The following TEX36 variants were observed in gnomAD, a reference collection of about 807,000 sequenced individuals.
TEX36 encodes the protein testis expressed 36, also known as testis-expressed protein 36.
TEX36 carries 12 observed loss-of-function variants against 13.6 expected under a neutral mutation model. The ratio of observed to expected loss-of-function variants is 0.88; its 90% CI spans 0.56 to 1.43. The LOEUF (loss-of-function observed/expected upper bound fraction) is 1.43, where lower values mean the gene tolerates loss of function less well. TEX36 is among the 40% of genes most tolerant of loss of function. TEX36 has a pLI of 0.00. For missense variants in TEX36, 224 were observed against 228.3 expected (o/e 0.98, Z 0.12); for synonymous variants, 93 against 83.0 (o/e 1.12, Z -0.65).
At chr10:125,617,584 T>C (rs2133556831), downstream of TEX36, among the ~76,000 whole-genome samples, 1 of 152,348 alleles carries the variant, frequency 6.6e-6, no homozygotes, top group South Asian at 2.1e-4. Context: ...GGGTTGAAAA[T>C]TCTTTTCTTT....
chr10:125,657,770 A>G (rs1846971490), intron 3 of TEX36, among the ~76,000 whole-genome samples: 1 of 152,198 alleles, frequency 6.6e-6, no homozygotes, highest in African/African-American at 2.4e-5. Context: ...GCTTGGGGGA[A>G]TACAACCTGG....
At position 125,584,594 on chromosome 10, in the gene TEX36, G is replaced by A. The variant is rs190682641; in HGVS notation, c.265-7720C>T. Among the ~76,000 whole-genome samples, 7 of 152,258 alleles carry A rather than the reference G, an allele frequency of 4.6e-5. No homozygotes were observed. In the East Asian group the frequency reaches 1.4e-3, roughly 29 times the overall value. On this transcript the variant is annotated intron_variant, in intron 3 of 3. Coordinates refer to the TEX36 transcript ENST00000532135. ...ATAGAAGCTTTAGGGAGCTAATTAA[G>A]GTTAAATGACATCATAAGTGTGGGG...
intron 3 of TEX36, among the ~76,000 whole-genome samples, chr10:125,643,944 A>G (rs1215185394): frequency 6.6e-6 from 1 of 152,132 alleles, no homozygotes; most frequent in East Asian, 1.9e-4. Context: ...ACAAAAGAAC[A>G]ACAACAAAAA....
At chr10:125,638,108 C>A (rs549345576) in intron 3 of TEX36, among the ~76,000 whole-genome samples, 2 of 152,064 alleles carry the variant, frequency 1.3e-5, no homozygotes, top group Non-Finnish European at 2.9e-5. Context: ...TCCTTCCCCA[C>A]TCTCAAGTTT....
intron 3 of TEX36, among the ~76,000 whole-genome samples, chr10:125,588,597 GTTT>G (rs534715822): frequency 0.12 from 3,391 of 27,196 alleles, 50 homozygotes; most frequent in Middle Eastern, 0.15. Flanking sequence ...CTCTTGGTTT[GTTT>G]GTTTGTTTGT....
Position 125,657,645 on chromosome 10 carries a change from A to G in TEX36, c.265-1449T>C, listed in dbSNP as rs77683478. 9.8e-3 allele frequency among the ~76,000 whole-genome samples: 1,485 copies of G among 152,240 alleles called. 34 individuals carry two copies. Among genetic ancestry groups the G allele is most frequent in the African/African-American group, 0.034 (1,424 of 41,528 alleles). Reference sequence around the variant, plus strand: ...CAAATTCACAAAATGGAAAGGAGGGAGGGAAACAGAAAGAAAAGAATCTGC... The same window carrying G: ...CAAATTCACAAAATGGAAAGGAGGGGGGGAAACAGAAAGAAAAGAATCTGC... On this transcript the variant is annotated intron_variant, in intron 3 of 3. Coordinates refer to ENST00000368821, the MANE Select transcript of TEX36 (RefSeq NM_001128202.3).
At chr10:125,618,895 A>C (rs1205887920), downstream of TEX36, among the ~76,000 whole-genome samples, 3 of 144,020 alleles carry the variant, frequency 2.1e-5, no homozygotes, top group Non-Finnish European at 3.0e-5. Context: ...TCACTAGGTC[A>C]GGAGATCGAG....
At chr10:125,627,138 G>A (rs1320711366) in intron 3 of TEX36, among the ~76,000 whole-genome samples, 20 of 152,184 alleles carry the variant, frequency 1.3e-4, no homozygotes, top group Admixed American at 1.3e-3. Flanking sequence ...AACCTTGAGA[G>A]AAAAAGATTT....
intron 3 of TEX36, among the ~76,000 whole-genome samples, chr10:125,596,181 T>G (rs1435756929): frequency 6.9e-6 from 1 of 144,480 alleles, no homozygotes; most frequent in East Asian, 2.2e-4. Context: ...GTGAATATGT[T>G]GCCTTATACA....
At chr10:125,613,832 T>A (rs890763193) in intron 3 of TEX36, among the ~76,000 whole-genome samples, 16 of 152,182 alleles carry the variant, frequency 1.1e-4, no homozygotes, top group Non-Finnish European at 1.9e-4. Context: ...TATTTCTAGT[T>A]CTAGATCCCT....
intron 3 of TEX36, among the ~76,000 whole-genome samples, chr10:125,603,410 T>G (rs1846174931): frequency 6.6e-6 from 1 of 151,678 alleles, no homozygotes; most frequent in Admixed American, 6.6e-5. Flanking sequence ...TGGTCCCCCA[T>G]CTGCTCCGCC....
At chr10:125,681,593 A>T (rs1255926846) in intron 1 of TEX36, among the ~76,000 whole-genome samples, 1 of 152,032 alleles carries the variant, frequency 6.6e-6, no homozygotes, top group Non-Finnish European at 1.5e-5. Flanking sequence ...GTGTTCTCAG[A>T]CTCAGCCTCT....
chr10:125,580,782 A>G lies in TEX36; in HGVS notation c.265-3908T>C, dbSNP rs568128787. 4.6e-5 allele frequency among the ~76,000 whole-genome samples: 7 copies of G among 152,186 alleles called. No individual in the cohort carries two copies. In the South Asian group the frequency reaches 1.5e-3, roughly 32 times the overall value. ...TAGGGAAATGACCCATCCCGGCCCAATCATAATCTTCCATCACCCTGACTA... is the reference window on the plus strand; with the variant it reads ...TAGGGAAATGACCCATCCCGGCCCAGTCATAATCTTCCATCACCCTGACTA... On this transcript the variant is annotated intron_variant, in intron 3 of 3. Coordinates refer to the TEX36 transcript ENST00000532135.
At chr10:125,646,930 G>C (rs931306567) in intron 3 of TEX36, among the ~76,000 whole-genome samples, 11 of 152,286 alleles carry the variant, frequency 7.2e-5, no homozygotes, top group Admixed American at 3.9e-4. Context: ...AGTGGTGTCA[G>C]AAGATAGAAA....
At chr10:125,643,583 A>C (rs1846722393) in intron 3 of TEX36, among the ~76,000 whole-genome samples, 1 of 152,116 alleles carries the variant, frequency 6.6e-6, no homozygotes, top group Admixed American at 6.5e-5. Flanking sequence ...TCTACTAAAA[A>C]TACAAAAAAT....
At chr10:125,638,705 C>T (rs1846648359) in intron 3 of TEX36, among the ~76,000 whole-genome samples, 1 of 152,250 alleles carries the variant, frequency 6.6e-6, no homozygotes, top group African/African-American at 2.4e-5. Flanking sequence ...AGATTTCCCT[C>T]TGCCTCCCCT....
chr10:125,671,274 A>C (rs1589787361), intron 1 of TEX36, among the ~76,000 whole-genome samples: 1 of 152,336 alleles, frequency 6.6e-6, no homozygotes, highest in Non-Finnish European at 1.5e-5. Flanking sequence ...TGGGTTTGTC[A>C]TAAATGGCTC....
At chr10:125,659,416 A>C (rs1846995875) in intron 3 of TEX36, among the ~76,000 whole-genome samples, 1 of 152,250 alleles carries the variant, frequency 6.6e-6, no homozygotes, top group Non-Finnish European at 1.5e-5. Flanking sequence ...CTAGCAGTGA[A>C]TCGTCAAGGT....
chr10:125,680,851 G>A (rs999454673), intron 1 of TEX36, among the ~76,000 whole-genome samples: 4 of 152,182 alleles, frequency 2.6e-5, no homozygotes, highest in African/African-American at 7.2e-5. Flanking sequence ...ACTGGGCTAC[G>A]TTTCTGGGGT....
Sources: allele counts gnomAD v4.1 joint callset (sites outside exome capture counted in the v4.1 genomes callset), GRCh38; gene constraint gnomAD v4.1.1; transcripts MANE v1.5; gene names NCBI Gene and HGNC (gene_info 2026-07-23, HGNC 2026-07-21).